PTPRD: variants seen among roughly 807,000 people sequenced by gnomAD.
PTPRD encodes receptor-type tyrosine-protein phosphatase delta.
PTPRD carries 34 observed loss-of-function variants against 214.5 expected under a neutral mutation model. The ratio of observed to expected loss-of-function variants is 0.16; its 90% confidence interval spans 0.12 to 0.21. PTPRD has a LOEUF of 0.21. PTPRD is among the 10% of genes least tolerant of loss of function. The pLI is 1.00. For synonymous variants in PTPRD, 1,128 were observed against 845.7 expected (o/e 1.33, Z -5.79); for missense variants, 2,545 against 2,398.7 (o/e 1.06, Z -1.27).
At chr9:8,848,249 G>C (rs1345170983) in intron 11 of PTPRD, among the ~76,000 whole-genome samples, 1 of 149,580 alleles carries the variant, frequency 6.7e-6, no homozygotes, top group Non-Finnish European at 1.5e-5. Context: ...GCAGAGAAAG[G>C]AACAGAAGAT....
At chr9:8,523,131 C>T (rs568927842) in intron 19 of PTPRD, among the ~76,000 whole-genome samples, 17 of 152,158 alleles carry the variant, frequency 1.1e-4, no homozygotes, top group African/African-American at 4.1e-4. Flanking sequence ...AGAGTTTAGT[C>T]TTCATGCTTG....
chr9:9,236,234 C>G (rs1030231189), intron 9 of PTPRD, among the ~76,000 whole-genome samples: 1 of 152,076 alleles, frequency 6.6e-6, no homozygotes, highest in African/African-American at 2.4e-5. Context: ...GCCTGGGCAA[C>G]AAGAACAAAA....
At chr9:8,750,577 G>A (rs1181705343) in intron 11 of PTPRD, among the ~76,000 whole-genome samples, 1 of 152,178 alleles carries the variant, frequency 6.6e-6, no homozygotes, top group African/African-American at 2.4e-5. Context: ...TAGGGTGACA[G>A]GAAAGGACCC....
chr9:9,099,078 G>T (rs1335771727), intron 10 of PTPRD, among the ~76,000 whole-genome samples: 2 of 152,076 alleles, frequency 1.3e-5, no homozygotes, highest in Non-Finnish European at 2.9e-5. Context: ...ATTTTGATAA[G>T]AATTTTATAA....
chr9:9,680,270 C>T (rs1159795941), intron 7 of PTPRD, among the ~76,000 whole-genome samples: 1 of 151,724 alleles, frequency 6.6e-6, no homozygotes, highest in Admixed American at 6.6e-5. Context: ...TTCTGATTTG[C>T]AAGAAGAGGA....
chr9:9,734,658 T>C (rs2098260942), intron 6 of PTPRD, 87 bp from the exon 7 acceptor site: 1 of 152,146 alleles, frequency 6.6e-6, no homozygotes, highest in South Asian at 2.1e-4. Flanking sequence ...AATTCTACAA[T>C]ATTATTCTAT....
intron 39 of PTPRD, among the ~76,000 whole-genome samples, chr9:8,368,676 C>CTTTTTTTTTTTTTTTT (rs199556434): frequency 8.5e-6 from 1 of 117,346 alleles, no homozygotes; most frequent in Non-Finnish European, 1.8e-5. Context: ...CCTTTTAATG[C>CTTTTTTTTTTTTTTTT]TTTTTTTTTT....
At chr9:9,725,967 A>C (rs1188505660) in intron 7 of PTPRD, among the ~76,000 whole-genome samples, 1 of 152,160 alleles carries the variant, frequency 6.6e-6, no homozygotes, top group South Asian at 2.1e-4. Flanking sequence ...AGACAAGACA[A>C]ATCCCAACCA....
intron 8 of PTPRD, among the ~76,000 whole-genome samples, chr9:9,482,844 C>G (rs1282780345): frequency 6.6e-6 from 1 of 152,116 alleles, no homozygotes; most frequent in Non-Finnish European, 1.5e-5. Flanking sequence ...ATAGCAATAT[C>G]ACAATTATGC....
intron 3 of PTPRD, among the ~76,000 whole-genome samples, chr9:10,215,536 C>T (rs528444738): frequency 1.4e-4 from 21 of 151,986 alleles, no homozygotes; most frequent in Non-Finnish European, 2.6e-4. Flanking sequence ...AATAAGTGAT[C>T]CTCCAACATA....
At chr9:9,615,061 T>G (rs531596095) in intron 7 of PTPRD, among the ~76,000 whole-genome samples, 2 of 152,238 alleles carry the variant, frequency 1.3e-5, no homozygotes, top group East Asian at 3.9e-4. Context: ...AACGTGGGTG[T>G]AAGAATATCT....
chr9:8,354,697 T>C (rs1393046247), intron 39 of PTPRD, among the ~76,000 whole-genome samples: 1 of 152,212 alleles, frequency 6.6e-6, no homozygotes, highest in Admixed American at 6.5e-5. Context: ...ATCACGTGGC[T>C]GTCACTAGGG....
chr9:9,983,613 C>T (rs2095614571), intron 4 of PTPRD, among the ~76,000 whole-genome samples: 1 of 152,194 alleles, frequency 6.6e-6, no homozygotes, highest in Non-Finnish European at 1.5e-5. Flanking sequence ...AACGTACACT[C>T]ACATACAAAT....
At chr9:9,040,914 T>A (rs1255881636) in intron 10 of PTPRD, among the ~76,000 whole-genome samples, 3 of 152,300 alleles carry the variant, frequency 2.0e-5, no homozygotes, top group Admixed American at 1.3e-4. Context: ...CCCCAGCTTT[T>A]AGAAACAGAA....
chr9:10,154,994 T>C (rs1340923006), intron 3 of PTPRD, among the ~76,000 whole-genome samples: 2 of 152,138 alleles, frequency 1.3e-5, no homozygotes, highest in Admixed American at 1.3e-4. Flanking sequence ...ACATAATTGG[T>C]AGTTTCATAA....
intron 11 of PTPRD, among the ~76,000 whole-genome samples, chr9:8,948,473 A>T (rs1333522444): frequency 7.2e-4 from 16 of 22,330 alleles, no homozygotes; most frequent in Admixed American, 2.4e-3. Flanking sequence ...ATTTACATAT[A>T]TATATATTTA....
intron 3 of PTPRD, among the ~76,000 whole-genome samples, chr9:10,099,880 T>C (rs571909678): frequency 1.8e-4 from 27 of 151,736 alleles, no homozygotes; most frequent in African/African-American, 6.0e-4. Flanking sequence ...GAAGAAAAAA[T>C]GGTATCACAA....
chr9:9,637,862 T>C (rs1271379328), intron 7 of PTPRD, among the ~76,000 whole-genome samples: 1 of 152,182 alleles, frequency 6.6e-6, no homozygotes, highest in Non-Finnish European at 1.5e-5. Context: ...TGAGACTCTC[T>C]GAGGCATCTT....
chr9:9,483,921 GTTATA>G (rs2147233912), intron 8 of PTPRD, among the ~76,000 whole-genome samples: 1 of 151,106 alleles, frequency 6.6e-6, no homozygotes, highest in East Asian at 1.9e-4. Context: ...TCACGTTTAT[GTTATA>G]TTATAAATGC....
Sources: allele counts gnomAD v4.1 joint callset (sites outside exome capture counted in the v4.1 genomes callset), GRCh38; gene constraint gnomAD v4.1.1; transcripts MANE v1.5; gene names NCBI Gene and HGNC (gene_info 2026-07-23, HGNC 2026-07-21).